UCP1: variants seen among roughly 807,000 people sequenced by gnomAD.
The protein encoded by UCP1 is mitochondrial brown fat uncoupling protein 1.
UCP1 carries 24 observed loss-of-function variants against 26.2 expected under a neutral mutation model. The ratio of observed to expected loss-of-function variants is 0.92; its 90% CI spans 0.66 to 1.29. The LOEUF is 1.29. UCP1 is among the 50% of genes most tolerant of loss of function. The pLI is 0.00. For synonymous variants in UCP1, 164 were observed against 156.8 expected, an observed-to-expected ratio of 1.05 and a Z score of -0.34; for missense variants, 402 against 388.7, an observed-to-expected ratio of 1.03 and a Z score of -0.29.
Position 140,562,197 on chromosome 4 carries a change from T to C in UCP1, c.805A>G (p.Lys269Glu). ...ATACACAAGATCATATCTTACCCCT[T>C]GAAGAAAGCCGTTGGTCCTTCGTTA... ...FTNEGPTAFF[K>E]GLVPSFLRLG... The change falls in exon 5 of 6, where the codon AAG becomes GAG. Residue 269 changes from lysine to glutamate, a missense_variant. Transcript: ENST00000262999. 6.2e-7 allele frequency: 1 copy of C among 1,614,178 alleles called. No homozygotes were observed. Among genetic ancestry groups the C allele is most frequent in the Non-Finnish European group, 8.5e-7 (1 of 1,179,988 alleles).
intron 5 of UCP1, among the ~76,000 whole-genome samples, chr4:140,560,907 G>C (rs1373531505): frequency 6.6e-6 from 1 of 151,896 alleles, no homozygotes; most frequent in Non-Finnish European, 1.5e-5. Flanking sequence ...TCCAGCCCCT[G>C]GTAACTTCTA....
rs1259589424 is a variant in UCP1, at chr4:140,563,513, G to T, written c.331C>A (p.Pro111Thr). The change falls in exon 3 of 6, where the codon CCT becomes ACT. Residue 111 changes from proline to threonine, a missense_variant. Coordinates refer to ENST00000262999, the MANE Select transcript of UCP1 (RefSeq NM_021833.5). The stretch of plus-strand genomic sequence containing the variant: ...GCTAAAATCTTGCTTCCTAAACTAG[G>T]TGCTGCTATCCAGAGAGAAAAAAAA... ...EFLTAGKETA[P>T]SLGSKILAGL... 6.2e-7 allele frequency: 1 copy of T among 1,613,544 alleles called. No individual in the cohort carries two copies.
At chr4:140,561,357 C>T (rs932305482) in intron 5 of UCP1, among the ~76,000 whole-genome samples, 2 of 152,070 alleles carry the variant, frequency 1.3e-5, no homozygotes, top group Admixed American at 1.3e-4. Flanking sequence ...TCCTCCTTCT[C>T]CTTCTTCTTT....
chr4:140,568,467 A>T, intron 1 of UCP1, 137 bp downstream of exon 1: 1 of 1,431,506 alleles, frequency 7.0e-7, no homozygotes, highest in Non-Finnish European at 9.5e-7. Flanking sequence ...CAGCCCTGGG[A>T]CAAGGCCAGA....
At chr4:140,568,107 C>T in intron 1 of UCP1, 130 bp from the exon 2 acceptor site, 1 of 752,210 alleles carries the variant, frequency 1.3e-6, no homozygotes, top group Non-Finnish European at 2.1e-6. Flanking sequence ...CCTCCCTCTA[C>T]CGTGTGTGTG....
intron 2 of UCP1, among the ~76,000 whole-genome samples, chr4:140,566,172 T>C (rs777152800): frequency 2.6e-5 from 4 of 152,190 alleles, no homozygotes; most frequent in Non-Finnish European, 4.4e-5. Context: ...TGAGAATGTA[T>C]CCCCATCGTT....
chr4:140,564,835 A>G (rs762613587), intron 2 of UCP1, among the ~76,000 whole-genome samples: 1 of 151,210 alleles, frequency 6.6e-6, no homozygotes, highest in Non-Finnish European at 1.5e-5. Flanking sequence ...TCACTTCCCA[A>G]TCAAGCTGGA....
chr4:140,568,630 G>C lies in UCP1; in HGVS notation c.100C>G (p.Leu34Val). The change falls in exon 1 of 6, where the codon CTG (leucine) becomes GTG (valine). Residue 34 changes from leucine (L) to valine (V), a missense_variant. Physicochemically the swap from Leu to Val is conservative, Grantham distance 32. Transcript: ENST00000262999. The part of the protein sequence containing the change: ...ACLADVITFP[L>V]DTAKVRLQVQ... ...TGGAGCCGGACTTTGGCCGTGTCCA[G>C]CGGGAAGGTGATCACGTCCGCCAAG... 6.2e-7 allele frequency: 1 copy of C among 1,613,342 alleles called. No individual in the cohort carries two copies. Among genetic ancestry groups the C allele is most frequent in the Non-Finnish European group, 8.5e-7 (1 of 1,179,872 alleles).
chr4:140,568,880 C>A lies in UCP1; in HGVS notation c.-151G>T, dbSNP rs1735872078. On this transcript the variant is annotated 5_prime_UTR_variant, in exon 1 of 6. Coordinates refer to ENST00000262999, the MANE Select transcript of UCP1 (RefSeq NM_021833.5). The stretch of plus-strand genomic sequence containing the variant: ...CCGCCGGGCAGCGGCGGTGCAGAGG[C>A]GGCGGCTGCAGACGGAGCGCGGTGT... 1.6e-6 allele frequency: 2 copies of A among 1,260,470 alleles called. No individual in the cohort carries two copies. Among genetic ancestry groups the A allele is most frequent in the Non-Finnish European group, 2.2e-6 (2 of 918,584 alleles). The allele number at this position is 1,260,470 out of a possible 1,614,324, so 78.1% of individuals were successfully genotyped here. A position where few individuals can be genotyped will look rare whatever the true frequency, so the allele number is the denominator to read the frequency against.
chr4:140,565,194 T>C (rs1378317765), intron 2 of UCP1, among the ~76,000 whole-genome samples: 1 of 152,144 alleles, frequency 6.6e-6, no homozygotes, highest in Non-Finnish European at 1.5e-5. Flanking sequence ...TTTCTTGTCT[T>C]CCCCCTAAGA....
rs1434539159 is a variant in UCP1, at chr4:140,568,732, T to G, written c.-3A>C. On this transcript the variant is annotated 5_prime_UTR_variant, in exon 1 of 6. Transcript: ENST00000262999. ...TCCGAGGCTGTCAGGCCCCCCATCT[T>G]CACTCAGAGACTGGAGATGCAGAGG... 1.3e-6 allele frequency: 2 copies of G among 1,586,188 alleles called. No individual in the cohort carries two copies. Among genetic ancestry groups the G allele is most frequent in the Admixed American group, 1.8e-5 (1 of 55,958 alleles).
In UCP1 at chr4:140,559,913, T is replaced by C. The variant is rs1264921940; in HGVS notation, c.907A>G (p.Met303Val). Residue 303 changes from methionine (M) to valine (V), a missense_variant, in exon 6 of 6, where the codon ATG becomes GTG. Coordinates refer to ENST00000262999, the MANE Select transcript of UCP1 (RefSeq NM_021833.5). ...KRELSKSRQT[M>V]DCAT ...GAAGCTGATTATGTGGCACAGTCCATAGTCTGCCTTGACTTTGACAGTTCT... is the reference window on the plus strand; with the variant it reads ...GAAGCTGATTATGTGGCACAGTCCACAGTCTGCCTTGACTTTGACAGTTCT... 6.2e-7 allele frequency: 1 copy of C among 1,613,778 alleles called. No homozygotes were observed. The highest frequency in any genetic ancestry group is 8.5e-7 in the Non-Finnish European group (1 of 1,179,688).
intron 5 of UCP1, 109 bp downstream of exon 5, chr4:140,562,084 T>TATGA: frequency 3.1e-6 from 4 of 1,278,880 alleles, no homozygotes; most frequent in Non-Finnish European, 4.6e-6. Context: ...ATACTAAGTA[T>TATGA]ATGAATATAC....
rs1169507800 is a variant in UCP1 at position 140,568,646 on chromosome 4, G to T, written c.84C>A (p.Asp28Glu). 1.2e-6 allele frequency: 2 copies of T among 1,612,492 alleles called. No homozygotes were observed. Among genetic ancestry groups the T allele is most frequent in the East Asian group, 2.2e-5 (1 of 44,854 alleles). ...FSAGIAACLADVITFPLDTAK... is the reference protein window; with the variant it reads ...FSAGIAACLAEVITFPLDTAK... ...CCGTGTCCAGCGGGAAGGTGATCAC[G>T]TCCGCCAAGCACGCCGCTATTCCAG... is the stretch of plus-strand genomic sequence containing the variant. The change falls in exon 1 of 6, where the codon GAC becomes GAA. Residue 28 changes from aspartate to glutamate, a missense_variant. Asp to Glu is a conservative substitution (Grantham distance 45). Coordinates refer to ENST00000262999, the MANE Select transcript of UCP1 (RefSeq NM_021833.5).
At chr4:140,563,916 G>A (rs1488988100) in intron 2 of UCP1, among the ~76,000 whole-genome samples, 1 of 152,068 alleles carries the variant, frequency 6.6e-6, no homozygotes, top group Non-Finnish European at 1.5e-5. Flanking sequence ...CCATATTTTT[G>A]TATTCTTACA....
At chr4:140,560,649 T>C (rs1246548723) in intron 5 of UCP1, among the ~76,000 whole-genome samples, 1 of 152,158 alleles carries the variant, frequency 6.6e-6, no homozygotes, top group East Asian at 1.9e-4. Context: ...AAATGGCTTT[T>C]ATTGTTTAAC....
chr4:140,563,046 G>A lies in UCP1; in HGVS notation c.628+64C>T, dbSNP rs184911762. ...TTAAGAGATTGAGTATAAGGTGGCTGCAGAAGCTCCAAGATGAACTTCTAA... is the reference window on the plus strand; with the variant it reads ...TTAAGAGATTGAGTATAAGGTGGCTACAGAAGCTCCAAGATGAACTTCTAA... On this transcript the variant is annotated intron_variant, in intron 4 of 5. Coordinates refer to ENST00000262999, the MANE Select transcript of UCP1 (RefSeq NM_021833.5). 2.3e-5 allele frequency: 29 copies of A among 1,272,558 alleles called. No individual in the cohort carries two copies. The Admixed American group carries it at 3.7e-4, about 16-fold the overall frequency. The allele number at this position is 1,272,558 out of a possible 1,614,324, so 78.8% of individuals were successfully genotyped here. A position where few individuals can be genotyped will look rare whatever the true frequency, so the allele number is the denominator to read the frequency against.
intron 1 of UCP1, 130 bp from the exon 2 acceptor site, chr4:140,568,107 C>G: frequency 1.3e-6 from 1 of 752,210 alleles, no homozygotes. Context: ...CCTCCCTCTA[C>G]CGTGTGTGTG....
intron 4 of UCP1, 89 bp from the exon 5 acceptor site, chr4:140,562,462 A>T: frequency 7.8e-7 from 1 of 1,287,328 alleles, no homozygotes; most frequent in Non-Finnish European, 1.1e-6. Flanking sequence ...CCTATTGATA[A>T]CAGTAGGTCA....
Sources: gnomAD v4.1 joint callset for allele counts (sites outside exome capture counted in the v4.1 genomes callset) on GRCh38, gnomAD v4.1.1 for gene constraint, MANE v1.5 for transcripts, NCBI Gene and HGNC (gene_info 2026-07-23, HGNC 2026-07-21) for gene names.